PCDHGA11: variants seen among roughly 807,000 people sequenced by gnomAD.
PCDHGA11 encodes protocadherin gamma subfamily A, 11.
Under a neutral mutation model 60.4 loss-of-function variants are expected in PCDHGA11, and 39 were observed. That is an observed-to-expected ratio of 0.65 (90% CI 0.50 to 0.84). PCDHGA11 has a LOEUF of 0.84. Ranked by LOEUF, PCDHGA11 falls within the 40% of genes least tolerant of loss-of-function variation. The probability of loss-of-function intolerance (pLI) is 0.00; values close to 1 mark genes in which losing one functional copy is unlikely to be tolerated. For missense variants in PCDHGA11, 1,165 were observed against 1,197.7 expected, an observed-to-expected ratio of 0.97 and a Z score of 0.40; for synonymous variants, 533 against 510.3, an observed-to-expected ratio of 1.04 and a Z score of -0.60.
rs762200805 is a variant in PCDHGA11 at position 141,423,045 on chromosome 5, C to T, written c.1818C>T (p.Ser606=). 8 of 1,614,210 alleles carry T rather than the reference C, an allele frequency of 5.0e-6. No homozygotes were observed. The East Asian group carries it at 1.8e-4, about 36-fold the overall frequency. ...ATTCAGGCCAGAACGCCTGGCTGTCCTATCGCCTGCTTAAGGCCAGCGAGC... is the reference window on the plus strand; with the variant it reads ...ATTCAGGCCAGAACGCCTGGCTGTCTTATCGCCTGCTTAAGGCCAGCGAGC... ...DKDSGQNAWL[S]YRLLKASEPG... Residue 606 remains serine, a synonymous_variant, in exon 1 of 4, where the codon TCC becomes TCT. Transcript: ENST00000398587.
At chr5:141,468,403 A>C (rs2099166784) in intron 1 of PCDHGA11, 1 of 152,088 alleles carries the variant, frequency 6.6e-6, no homozygotes, top group African/African-American at 2.4e-5. Flanking sequence ...GGTGAGAACT[A>C]ATAATAAGTT....
intron 1 of PCDHGA11, among the ~76,000 whole-genome samples, chr5:141,454,538 C>G (rs1229435473): frequency 6.6e-6 from 1 of 152,110 alleles, no homozygotes; most frequent in African/African-American, 2.4e-5. Context: ...TCCCAAGTAG[C>G]TGAGATTACA....
intron 1 of PCDHGA11, among the ~76,000 whole-genome samples, chr5:141,435,715 A>G (rs528951395): frequency 6.6e-6 from 1 of 152,328 alleles, no homozygotes; most frequent in African/African-American, 2.4e-5. Context: ...ACAGACACTG[A>G]ATGCTAAAGT....
intron 1 of PCDHGA11, chr5:141,426,340 C>A: frequency 5.3e-6 from 1 of 190,288 alleles, no homozygotes; most frequent in Non-Finnish European, 1.1e-5. Flanking sequence ...AGCACTCTTC[C>A]CTTTCCTGCT....
At position 141,486,646 on chromosome 5, in the gene PCDHGA11, C is replaced by T; in HGVS notation, c.2434-8161C>T. On this transcript the variant is annotated intron_variant, in intron 1 of 3. Transcript: ENST00000398587. The surrounding 1 kb of genome is among the most constrained non-coding windows in gnomAD (Gnocchi z 5.0). ...ACTCTGGCTTGAATGCGCTTATCTC[C>T]TACTCACTCCTGGAGCCCAGGAATC... is the stretch of plus-strand genomic sequence containing the variant. 4.3e-6 allele frequency: 7 copies of T among 1,613,916 alleles called. No individual in the cohort carries two copies. Among genetic ancestry groups the T allele is most frequent in the African/African-American group, 1.3e-5 (1 of 75,058 alleles).
intron 1 of PCDHGA11, among the ~76,000 whole-genome samples, chr5:141,434,518 T>C (rs2097700303): frequency 6.6e-6 from 1 of 152,188 alleles, no homozygotes; most frequent in Admixed American, 6.5e-5. Flanking sequence ...CTTAAAGGTG[T>C]TCTTAAACCA....
rs757410882 is a variant in PCDHGA11 at position 141,421,504 on chromosome 5, C to A, written c.277C>A (p.Arg93=). 1.2e-6 allele frequency: 2 copies of A among 1,614,062 alleles called. No homozygotes were observed. Among genetic ancestry groups the A allele is most frequent in the Admixed American group, 1.7e-5 (1 of 60,038 alleles). Residue 93 remains arginine, a synonymous_variant, in exon 1 of 4, where the codon CGG becomes AGG. Coordinates refer to ENST00000398587, the MANE Select transcript of PCDHGA11 (RefSeq NM_018914.3). ...CTTGATCACGGCAGGCAGGATAGACCGGGAGGAGCTCTGTGAGACGGTGTC... is the reference window on the plus strand; with the variant it reads ...CTTGATCACGGCAGGCAGGATAGACAGGGAGGAGCTCTGTGAGACGGTGTC... ...GSLITAGRID[R]EELCETVSSC... is the part of the protein sequence containing the mutation.
chr5:141,427,819 T>C, intron 1 of PCDHGA11: 1 of 1,531,664 alleles, frequency 6.5e-7, no homozygotes, highest in Non-Finnish European at 8.9e-7. Context: ...AGCGGGGTGG[T>C]GGTCGCGCAG....
chr5:141,435,519 T>C (rs2097768121), intron 1 of PCDHGA11, among the ~76,000 whole-genome samples: 2 of 152,192 alleles, frequency 1.3e-5, no homozygotes, highest in South Asian at 4.1e-4. Context: ...ATGATGACTT[T>C]GTGGAATATT....
At position 141,487,510 on chromosome 5, in the gene PCDHGA11, C is replaced by A; in HGVS notation, c.2434-7297C>A. On this transcript the variant is annotated intron_variant, in intron 1 of 3. Transcript: ENST00000398587. The surrounding 1 kb of genome is among the most constrained non-coding windows in gnomAD (Gnocchi z 5.0). ...GCTGTACACCCTTGGCTTCTGCACC[C>A]ACTCGGAGTGATAGCTTCATGATGG... is the stretch of plus-strand genomic sequence containing the variant. The A allele has an allele frequency of 6.2e-7, 1 of 1,614,210 alleles. No homozygotes were observed. Among genetic ancestry groups the A allele is most frequent in the Non-Finnish European group, 8.5e-7 (1 of 1,180,042 alleles).
At position 141,431,580 on chromosome 5, in the gene PCDHGA11, A is replaced by G. The variant is rs777990962; in HGVS notation, c.2433+7920A>G. ...GCTACCGACCCTGACGAAGGAGTCA[A>G]TGCGGAAGTGAGGTATTCCTTCCGG... On this transcript the variant is annotated intron_variant, in intron 1 of 3. Coordinates refer to ENST00000398587, the MANE Select transcript of PCDHGA11 (RefSeq NM_018914.3). The surrounding 1 kb of genome is among the most constrained non-coding windows in gnomAD (Gnocchi z 4.8). 1.2e-5 allele frequency: 19 copies of G among 1,614,098 alleles called. No homozygotes were observed. Among genetic ancestry groups the G allele is most frequent in the Non-Finnish European group, 1.5e-5 (18 of 1,180,040 alleles).
In PCDHGA11 at chr5:141,431,253, ACT is replaced by A. The variant is rs757246289; in HGVS notation, c.2433+7598_2433+7599del. On this transcript the variant is annotated intron_variant, in intron 1 of 3. Coordinates refer to ENST00000398587, the MANE Select transcript of PCDHGA11 (RefSeq NM_018914.3). This position sits in a 1 kb window ranked among gnomAD's most constrained non-coding sequence, Gnocchi z 4.8. ...GCCTGGGATCCGGATATCGGGAAGA[ACT>A]CTCTGCAGAGCTACGAGCTCAGCCC... 2.2e-5 allele frequency: 35 copies of A among 1,614,014 alleles called. No individual in the cohort carries two copies. In the South Asian group the frequency reaches 3.1e-4, roughly 14 times the overall value.
In PCDHGA11 at chr5:141,489,705, C is replaced by G; in HGVS notation, c.2434-5102C>G. The G allele has an allele frequency of 6.2e-7, 1 of 1,614,022 alleles. No homozygotes were observed. The highest frequency in any genetic ancestry group is 1.1e-5 in the South Asian group (1 of 91,074). ...CATCTGGGGCACGATTCCCACTGGA[C>G]AGTGCCCAGGATCCGGATGTGGGCA... On this transcript the variant is annotated intron_variant, in intron 1 of 3. Coordinates refer to ENST00000398587, the MANE Select transcript of PCDHGA11 (RefSeq NM_018914.3). The surrounding 1 kb of genome is among the most constrained non-coding windows in gnomAD (Gnocchi z 4.5).
At chr5:141,501,329 ACACACC>A (rs1456568693) in intron 2 of PCDHGA11, among the ~76,000 whole-genome samples, 16 of 148,226 alleles carry the variant, frequency 1.1e-4, no homozygotes, top group Non-Finnish European at 2.2e-4. Context: ...ACACACACAC[ACACACC>A]CCAAACTCAA....
intron 3 of PCDHGA11, among the ~76,000 whole-genome samples, chr5:141,506,381 G>A (rs750584158): frequency 2.0e-5 from 3 of 151,216 alleles, no homozygotes; most frequent in Non-Finnish European, 4.4e-5. Context: ...CCTGGGAGGT[G>A]GCTGTGGTGA....
chr5:141,447,181 G>C (rs442221), intron 1 of PCDHGA11, among the ~76,000 whole-genome samples: 152,246 of 152,338 alleles, frequency 1, 76,078 homozygotes, highest in Middle Eastern at 1. Context: ...CTCTTGTCGC[G>C]CAGGCTGGAG....
At position 141,487,653 on chromosome 5, in the gene PCDHGA11, A is replaced by C. The variant is rs1033173132; in HGVS notation, c.2434-7154A>C. The C allele has an allele frequency of 3.1e-6, 5 of 1,613,794 alleles. No individual in the cohort carries two copies. Among genetic ancestry groups the C allele is most frequent in the Non-Finnish European group, 4.2e-6 (5 of 1,179,926 alleles). ...CAGGCTCAACAAATGCTTGAGGGTT[A>C]TTCTGATCCAGGCATATGGCTAGGC... On this transcript the variant is annotated intron_variant, in intron 1 of 3. Transcript: ENST00000398587. This position sits in a 1 kb window ranked among gnomAD's most constrained non-coding sequence, Gnocchi z 5.0.
intron 1 of PCDHGA11, chr5:141,427,649 C>T (rs1283312654): frequency 1.4e-6 from 1 of 717,274 alleles, no homozygotes; most frequent in East Asian, 2.7e-5. Context: ...AAGTCTCCTA[C>T]GTGGTCCACG....
chr5:141,480,946 G>A (rs1415705408), intron 1 of PCDHGA11, among the ~76,000 whole-genome samples: 1 of 152,172 alleles, frequency 6.6e-6, no homozygotes, highest in Non-Finnish European at 1.5e-5. Context: ...TCTAGAGGCT[G>A]AGGCGGAAGC....
Sources: gnomAD v4.1 joint callset for allele counts (sites outside exome capture counted in the v4.1 genomes callset) on GRCh38, gnomAD v4.1.1 for gene constraint, Gnocchi (gnomAD v3.1) non-coding constraint, MANE v1.5 for transcripts, NCBI Gene and HGNC (gene_info 2026-07-23, HGNC 2026-07-21) for gene names.